The following PLEKHM3 variants were observed in gnomAD, a reference collection of about 807,000 sequenced individuals.
PLEKHM3 encodes the protein pleckstrin homology domain-containing family M member 3.
In PLEKHM3, 45 loss-of-function variants were observed where a neutral mutation model predicts 81.8. The observed-to-expected ratio is 0.55, with a 90% CI of 0.43 to 0.71. The LOEUF (loss-of-function observed/expected upper bound fraction) is 0.71. Among genes scored for constraint, PLEKHM3 ranks in the 30% least tolerant of loss-of-function variants. The pLI is 0.00. For missense variants in PLEKHM3, 788 were observed against 924.3 expected (o/e 0.85, Z 1.91); for synonymous variants, 352 against 356.4 (o/e 0.99, Z 0.14).
intron 4 of PLEKHM3, among the ~76,000 whole-genome samples, chr2:207,937,429 G>A (rs1053165579): frequency 6.6e-6 from 1 of 152,078 alleles, no homozygotes; most frequent in Non-Finnish European, 1.5e-5. Context: ...AATTAGCCAG[G>A]TGTAGTGGCG....
At chr2:208,025,348 A>G (rs1412269507) in intron 1 of PLEKHM3, 41 bp downstream of exon 1, 9 of 152,348 alleles carry the variant, frequency 5.9e-5, no homozygotes, top group Non-Finnish European at 1.2e-4. Flanking sequence ...CCATCCCCCA[A>G]ACTGGCCGGC....
Position 208,003,604 on chromosome 2 carries a change from ATATT to A in PLEKHM3, c.-318-1651_-318-1648del, listed in dbSNP as rs566454255. Among the ~76,000 whole-genome samples the A allele has an allele frequency of 6.6e-5, 10 of 152,270 alleles. No homozygotes were observed. The South Asian group carries it at 1.0e-3, about 16-fold the overall frequency. ...AATTTGTCTACTTTTATATATTTTG[ATATT>A]TATTATGTTAGTACTTCATGAAGCA... On this transcript the variant is annotated intron_variant, in intron 1 of 7. Transcript: ENST00000427836.
intron 2 of PLEKHM3, among the ~76,000 whole-genome samples, chr2:207,999,638 G>C (rs980043626): frequency 5.3e-5 from 8 of 152,080 alleles, no homozygotes; most frequent in Admixed American, 5.2e-4. Flanking sequence ...AAAAATACAT[G>C]GAATGTCCTT....
chr2:207,933,849 G>A (rs2105945703), intron 4 of PLEKHM3, among the ~76,000 whole-genome samples: 2 of 152,316 alleles, frequency 1.3e-5, no homozygotes, highest in South Asian at 4.1e-4. Flanking sequence ...TACCGCTGCT[G>A]CCTGAGTACA....
At chr2:207,973,291 G>A (rs1250354010) in intron 3 of PLEKHM3, among the ~76,000 whole-genome samples, 1 of 152,340 alleles carries the variant, frequency 6.6e-6, no homozygotes, top group South Asian at 2.1e-4. Flanking sequence ...AATTTTTAAC[G>A]TTCCATCTGC....
intron 3 of PLEKHM3, among the ~76,000 whole-genome samples, chr2:207,969,753 C>T (rs11679492): frequency 0.45 from 68,493 of 152,034 alleles, 18,615 homozygotes; most frequent in Non-Finnish European, 0.59. Flanking sequence ...CCAAAAGCAG[C>T]CAGATTTTAT....
chr2:207,950,908 C>T (rs752508061), intron 3 of PLEKHM3, among the ~76,000 whole-genome samples: 9 of 152,084 alleles, frequency 5.9e-5, no homozygotes, highest in South Asian at 2.1e-4. Flanking sequence ...AGAATGAAAA[C>T]GTTTAACCCC....
intron 6 of PLEKHM3, among the ~76,000 whole-genome samples, chr2:207,882,481 G>A (rs1394034667): frequency 2.0e-5 from 3 of 151,916 alleles, no homozygotes; most frequent in Non-Finnish European, 2.9e-5. Flanking sequence ...GCATGGTCAT[G>A]GGTGCCTGTA....
chr2:207,929,803 T>A (rs1689525887), intron 5 of PLEKHM3: 1 of 598,588 alleles, frequency 1.7e-6, no homozygotes, highest in Non-Finnish European at 3.0e-6. Context: ...CTTTTTTAGA[T>A]GCCCGGGGTT....
At chr2:207,930,724 G>C (rs1689562492) in intron 5 of PLEKHM3, among the ~76,000 whole-genome samples, 1 of 152,130 alleles carries the variant, frequency 6.6e-6, no homozygotes. Context: ...TTTTCATTTT[G>C]CTTGGCTTAA....
intron 5 of PLEKHM3, among the ~76,000 whole-genome samples, chr2:207,919,446 G>A (rs186953038): frequency 2.6e-5 from 4 of 152,308 alleles, no homozygotes; most frequent in Admixed American, 2.6e-4. Context: ...CAGACTGAAG[G>A]GGGATAAGGG....
At chr2:207,987,103 A>C (rs531455391) in intron 2 of PLEKHM3, among the ~76,000 whole-genome samples, 32 of 152,230 alleles carry the variant, frequency 2.1e-4, no homozygotes, top group African/African-American at 7.5e-4. Flanking sequence ...TTCAACTGCT[A>C]CTTTCTCTTG....
At chr2:207,896,908 A>T (rs1202056995) in intron 6 of PLEKHM3, among the ~76,000 whole-genome samples, 1 of 152,242 alleles carries the variant, frequency 6.6e-6, no homozygotes, top group African/African-American at 2.4e-5. Flanking sequence ...AAATTTACAG[A>T]AAGACTGCTT....
chr2:207,912,017 C>G (rs935444953), intron 5 of PLEKHM3, among the ~76,000 whole-genome samples: 1 of 152,188 alleles, frequency 6.6e-6, no homozygotes, highest in African/African-American at 2.4e-5. Flanking sequence ...TCCTGGAGTA[C>G]TATAACCAGT....
chr2:207,918,960 A>C (rs936967698), intron 5 of PLEKHM3, among the ~76,000 whole-genome samples: 1 of 152,154 alleles, frequency 6.6e-6, no homozygotes, highest in Admixed American at 6.5e-5. Context: ...TACCATGTTT[A>C]ATGGTAATAA....
At chr2:208,015,992 G>A (rs1230103027) in intron 1 of PLEKHM3, among the ~76,000 whole-genome samples, 3 of 152,054 alleles carry the variant, frequency 2.0e-5, no homozygotes, top group Non-Finnish European at 4.4e-5. Flanking sequence ...TGAGGAGTTC[G>A]AGACCAGCCT....
rs193205320 is a variant in PLEKHM3 at position 207,850,792 on chromosome 2, A to G, written c.2108+10313T>C. ...ATTTATGTGACTTTTTTGCTTTTAT[A>G]TTCATTGTTTTCCCTTAAATCATAG... On this transcript the variant is annotated intron_variant, in intron 7 of 7. Transcript: ENST00000427836. Among the ~76,000 whole-genome samples the G allele has an allele frequency of 5.8e-4, 88 of 152,254 alleles. 1 individual carries two copies. The highest frequency in any genetic ancestry group is 3.5e-4 in the Non-Finnish European group (24 of 68,014).
intron 2 of PLEKHM3, among the ~76,000 whole-genome samples, chr2:207,994,018 C>T (rs1365667228): frequency 1.3e-5 from 2 of 152,020 alleles, no homozygotes; most frequent in Non-Finnish European, 2.9e-5. Context: ...CAAATACATC[C>T]TAGAATGATA....
At chr2:207,914,003 GT>G (rs1688900242) in intron 5 of PLEKHM3, among the ~76,000 whole-genome samples, 1 of 151,976 alleles carries the variant, frequency 6.6e-6, no homozygotes. Flanking sequence ...CCCACACACA[GT>G]ATTTTCCTAA....
Sources: allele counts gnomAD v4.1 joint callset (sites outside exome capture counted in the v4.1 genomes callset), GRCh38; gene constraint gnomAD v4.1.1; transcripts MANE v1.5; gene names NCBI Gene and HGNC (gene_info 2026-07-23, HGNC 2026-07-21).